The following SLC75A1 variants were observed in gnomAD, a reference collection of about 807,000 sequenced individuals.
SLC75A1 encodes the protein major facilitator superfamily domain containing 10.
chr4:2,931,556 C>T, the SLC75A1 span: 42 of 1,611,378 alleles, frequency 2.6e-5, 1 homozygote, highest in South Asian at 6.6e-5. Context: ...GCCCCCTACC[C>T]GCTTCACGGC....
chr4:2,931,651 C>T, the SLC75A1 span: 4 of 1,613,414 alleles, frequency 2.5e-6, no homozygotes, highest in Admixed American at 3.3e-5. Flanking sequence ...AAAACATCTT[C>T]CCCTGCTGTA....
the SLC75A1 span, chr4:2,932,888 G>A: frequency 2.3e-5 from 28 of 1,239,374 alleles, no homozygotes; most frequent in African/African-American, 1.5e-4. Context: ...GGCCACTTGC[G>A]TTCTCAGTGC....
chr4:2,932,611 T>C, the SLC75A1 span: 4 of 1,613,046 alleles, frequency 2.5e-6, no homozygotes, highest in Non-Finnish European at 3.4e-6. Context: ...ATGCCTTGAC[T>C]GCGGGCCAGA....
At chr4:2,932,169 T>TGGAGAGCCTGCA in the SLC75A1 span, 2 of 1,595,056 alleles carry the variant, frequency 1.3e-6, no homozygotes, top group South Asian at 2.2e-5. Context: ...GGGATGGCAT[T>TGGAGAGCCTGCA]GGAGAGCCTG....
chr4:2,932,298 A>G, the SLC75A1 span: 41 of 1,578,436 alleles, frequency 2.6e-5, no homozygotes, highest in Non-Finnish European at 3.5e-5. Flanking sequence ...TTACATCGCT[A>G]TGGAATCAAG....
At chr4:2,932,158 G>A in the SLC75A1 span, 12 of 1,602,010 alleles carry the variant, frequency 7.5e-6, no homozygotes, top group Non-Finnish European at 1.0e-5. Flanking sequence ...GGGCGCCTGT[G>A]GGGATGGCAT....
the SLC75A1 span, chr4:2,933,193 T>C: frequency 6.2e-7 from 1 of 1,613,478 alleles, no homozygotes; most frequent in Non-Finnish European, 8.5e-7. Flanking sequence ...GGACAGAGAA[T>C]GCCGAGCCAA....
chr4:2,933,865 G>C, the SLC75A1 span: 1 of 1,583,904 alleles, frequency 6.3e-7, no homozygotes. Context: ...GCGGCGCTCC[G>C]GCGGCTGCTG....
chr4:2,934,066 G>C, the SLC75A1 span: 10 of 901,534 alleles, frequency 1.1e-5, no homozygotes, highest in Non-Finnish European at 1.5e-5. Context: ...TCTGGCCTAC[G>C]GACGCAGGGG....
At chr4:2,933,445 A>G in the SLC75A1 span, 1 of 1,118,652 alleles carries the variant, frequency 8.9e-7, no homozygotes, top group East Asian at 2.5e-5. Context: ...CAAGGGCACC[A>G]GACATGCCAG....
At chr4:2,931,330 G>A in the SLC75A1 span, 3 of 1,543,396 alleles carry the variant, frequency 1.9e-6, no homozygotes, top group South Asian at 1.2e-5. Context: ...GCATCACCCA[G>A]CCCCTGCTGC....
the SLC75A1 span, chr4:2,931,791 G>T: frequency 6.4e-7 from 1 of 1,562,406 alleles, no homozygotes; most frequent in South Asian, 1.2e-5. Flanking sequence ...GTTATTTCAG[G>T]GAGACAGCAG....
the SLC75A1 span, chr4:2,933,676 G>T: frequency 2.5e-6 from 4 of 1,613,396 alleles, no homozygotes; most frequent in Non-Finnish European, 2.5e-6. Flanking sequence ...AGGGGATGAG[G>T]AATCACGATA....
the SLC75A1 span, chr4:2,933,550 CACAGAGCCAGCCATACCTCCGA>C: frequency 1.9e-6 from 3 of 1,613,376 alleles, no homozygotes; most frequent in Admixed American, 5.0e-5. Flanking sequence ...CCGCCAAGGG[CACAGAGCCAGCCATACCTCCGA>C]ACAGGACACT....
the SLC75A1 span, chr4:2,932,536 G>A: frequency 6.2e-7 from 1 of 1,613,200 alleles, no homozygotes; most frequent in Non-Finnish European, 8.5e-7. Context: ...CACCCGAGCT[G>A]CACAGGGAGA....
the SLC75A1 span, chr4:2,932,879 G>GC: frequency 7.6e-7 from 1 of 1,310,900 alleles, no homozygotes. Flanking sequence ...GCATCTGAGG[G>GC]CCACTTGCGT....
At chr4:2,932,643 A>G in the SLC75A1 span, 1 of 1,613,008 alleles carries the variant, frequency 6.2e-7, no homozygotes, top group South Asian at 1.1e-5. Context: ...GTCAGCAACG[A>G]TGGCCGTGGA....
chr4:2,933,395 C>T, the SLC75A1 span, among the ~76,000 whole-genome samples: 3 of 152,282 alleles, frequency 2.0e-5, no homozygotes, highest in African/African-American at 4.8e-5. Context: ...ACGTGACACG[C>T]GGAGGCAAGG....
the SLC75A1 span, chr4:2,932,947 G>A: frequency 9.7e-7 from 1 of 1,030,952 alleles, no homozygotes; most frequent in Non-Finnish European, 1.4e-6. Context: ...TCTGGAACAG[G>A]AGCCACTGGT....
Sources: allele counts gnomAD v4.1 joint callset (sites outside exome capture counted in the v4.1 genomes callset), GRCh38; gene constraint gnomAD v4.1.1; transcripts MANE v1.5; gene names NCBI Gene and HGNC (gene_info 2026-07-23, HGNC 2026-07-21).